The following LRSAM1 variants were observed in gnomAD, a reference collection of about 807,000 sequenced individuals.
The protein encoded by LRSAM1 is E3 ubiquitin-protein ligase LRSAM1.
Under a neutral mutation model 118.1 loss-of-function variants are expected in LRSAM1, and 96 were observed. The observed-to-expected ratio is 0.81, with a 90% CI of 0.69 to 0.96. The LOEUF (loss-of-function observed/expected upper bound fraction) is 0.96, where lower values mean the gene tolerates loss of function less well. Among genes scored for constraint, LRSAM1 ranks in the 40% least tolerant of loss-of-function variants. The pLI, the probability that LRSAM1 is intolerant of heterozygous loss-of-function variation, is 0.00. For synonymous variants in LRSAM1, 322 were observed against 364.2 expected (o/e 0.88, Z 1.32); for missense variants, 804 against 915.5 (o/e 0.88, Z 1.57).
rs149456922 is a variant in LRSAM1 at position 127,479,416 on chromosome 9, C to T, written c.814C>T (p.Arg272Trp). Reference protein sequence around the residue: ...QKMLEKLEFERRLELGQREHT... With the variant: ...QKMLEKLEFEWRLELGQREHT... ...GATGCTGGAGAAACTCGAGTTTGAA[C>T]GGCGCCTGGAACTGGGGCAGCGGGA... The change falls in exon 13 of 26, where the codon CGG (arginine) becomes TGG (tryptophan). Residue 272 changes from arginine (R) to tryptophan (W), a missense_variant. By Grantham distance (101) the Arg-to-Trp change is moderately radical (BLOSUM62 -3). Coordinates refer to ENST00000300417, the MANE Select transcript of LRSAM1 (RefSeq NM_001005373.4). The T allele has an allele frequency of 1.7e-4, 270 of 1,614,174 alleles. 2 individuals are homozygous for T. In the African/African-American group the frequency reaches 2.0e-3, roughly 12 times the overall value.
chr9:127,495,815 C>A, intron 22 of LRSAM1, 149 bp from the exon 23 acceptor site: 1 of 1,185,730 alleles, frequency 8.4e-7, no homozygotes, highest in Non-Finnish European at 1.2e-6. Flanking sequence ...ATCTATCTAT[C>A]TCTGTGTGCC....
intron 6 of LRSAM1, among the ~76,000 whole-genome samples, chr9:127,458,789 A>G (rs1406595051): frequency 6.6e-6 from 1 of 152,214 alleles, no homozygotes; most frequent in East Asian, 1.9e-4. Flanking sequence ...TTCAGTTAAC[A>G]GTAAAAATAA....
At chr9:127,490,402 G>A (rs1302211630) in intron 19 of LRSAM1, among the ~76,000 whole-genome samples, 2 of 152,048 alleles carry the variant, frequency 1.3e-5, no homozygotes, top group African/African-American at 4.8e-5. Flanking sequence ...GGGTCACAGG[G>A]TCATGGGCAC....
At chr9:127,493,419 C>T (rs1278961651) in intron 21 of LRSAM1, among the ~76,000 whole-genome samples, 3 of 152,170 alleles carry the variant, frequency 2.0e-5, no homozygotes, top group African/African-American at 4.8e-5. Flanking sequence ...TATAGCTGTT[C>T]GTGTATGCGC....
rs887154642 is a variant in LRSAM1, at chr9:127,479,707, G to A, written c.904-132G>A. ...AGATGGACACTGTAGCCTACTGGGA[G>A]GAGCTGGCCGGAGGTCACACAAAAA... On this transcript the variant is annotated intron_variant, in intron 13 of 25. Transcript: ENST00000300417. The A allele has an allele frequency of 5.1e-6, 7 of 1,366,226 alleles. 1 individual carries two copies. The highest frequency in any genetic ancestry group is 5.2e-4 in the Middle Eastern group (2 of 3,858). 84.6% of individuals were successfully genotyped at this position (1,366,226 alleles called of 1,614,324 possible). A position where few individuals can be genotyped will look rare whatever the true frequency, so the allele number is the denominator to read the frequency against.
chr9:127,484,379 T>A (rs949649838), intron 16 of LRSAM1, among the ~76,000 whole-genome samples: 1 of 152,026 alleles, frequency 6.6e-6, no homozygotes, highest in Non-Finnish European at 1.5e-5. Context: ...CACATTTTCT[T>A]TTTTTCTTTT....
intron 9 of LRSAM1, among the ~76,000 whole-genome samples, chr9:127,467,184 GGGA>G (rs1461626114): frequency 6.6e-6 from 1 of 152,098 alleles, no homozygotes; most frequent in Non-Finnish European, 1.5e-5. Flanking sequence ...TAGGGGAGGG[GGGA>G]GTTTAGCTGA....
chr9:127,482,846 T>C, intron 15 of LRSAM1, 104 bp from the exon 16 acceptor site: 4 of 1,060,330 alleles, frequency 3.8e-6, no homozygotes, highest in South Asian at 1.4e-5. Context: ...TAGGTGTAGG[T>C]TGCCAAATCA....
intron 10 of LRSAM1, among the ~76,000 whole-genome samples, chr9:127,473,462 A>G (rs893668966): frequency 2.0e-5 from 3 of 152,244 alleles, no homozygotes; most frequent in Non-Finnish European, 4.4e-5. Flanking sequence ...ATCTTGCCCA[A>G]GGTCTCACAT....
rs570756845 is a variant in LRSAM1, at chr9:127,495,208, C to A, written c.1600-112C>A. On this transcript the variant is annotated intron_variant, in intron 21 of 25. Coordinates refer to ENST00000300417, the MANE Select transcript of LRSAM1 (RefSeq NM_001005373.4). ...CCTCAGGTGATCTGCCCACCTTGGC[C>A]CCCCAAAGTGCTGGGATTACAGGCA... The A allele has an allele frequency of 2.0e-4, 187 of 927,890 alleles. No individual in the cohort carries two copies. The African/African-American group carries it at 2.9e-3, about 14-fold the overall frequency. 57.5% of individuals were successfully genotyped at this position (927,890 alleles called of 1,614,324 possible). A position where few individuals can be genotyped will look rare whatever the true frequency, so the allele number is the denominator to read the frequency against.
intron 18 of LRSAM1, among the ~76,000 whole-genome samples, chr9:127,488,515 G>A (rs905023506): frequency 1.3e-5 from 2 of 151,998 alleles, no homozygotes; most frequent in East Asian, 3.9e-4. Context: ...ACCCACCTCG[G>A]CCTCCCAAAG....
At position 127,467,849 on chromosome 9, in the gene LRSAM1, C is replaced by T; in HGVS notation, c.619+19C>T. ...TGCAAAGGTAAAGCCAGGCCGCTGC[C>T]TCCTCCCCTCATTGAGGAACTATGA... On this transcript the variant is annotated intron_variant, in intron 10 of 25. Transcript: ENST00000300417. The T allele has an allele frequency of 3.8e-6, 6 of 1,559,660 alleles. No individual in the cohort carries two copies. The highest frequency in any genetic ancestry group is 5.2e-6 in the Non-Finnish European group (6 of 1,154,760).
chr9:127,484,876 T>G lies in LRSAM1; in HGVS notation c.1160-860T>G, dbSNP rs537792858. 3.2e-4 allele frequency among the ~76,000 whole-genome samples: 48 copies of G among 151,008 alleles called. 1 individual carries two copies. The highest frequency in any genetic ancestry group is 1.1e-3 in the African/African-American group (47 of 41,186). The stretch of plus-strand genomic sequence containing the variant: ...CAGGCTGGAGTGCAGTGGCATGATC[T>G]CAGCTCACGCAACCTCTGCCTCCCG... On this transcript the variant is annotated intron_variant, in intron 16 of 25. Coordinates refer to ENST00000300417, the MANE Select transcript of LRSAM1 (RefSeq NM_001005373.4).
chr9:127,468,850 G>T (rs951741031), intron 10 of LRSAM1, among the ~76,000 whole-genome samples: 1 of 149,252 alleles, frequency 6.7e-6, no homozygotes, highest in African/African-American at 2.5e-5. Context: ...TCAGCCAGGC[G>T]TGGTGGCACG....
intron 9 of LRSAM1, among the ~76,000 whole-genome samples, chr9:127,466,514 T>TATTTA (rs1834953668): frequency 1.3e-5 from 1 of 76,990 alleles, no homozygotes; most frequent in African/African-American, 5.7e-5. Context: ...ATTTTTTTTT[T>TATTTA]TTTTTTTTTT....
chr9:127,462,648 A>G lies in LRSAM1; in HGVS notation c.528+275A>G, dbSNP rs2254437. Among the ~76,000 whole-genome samples the G allele has an allele frequency of 0.61, 92,146 of 151,820 alleles. 28,319 individuals carry two copies. Among genetic ancestry groups the G allele is most frequent in the African/African-American group, 0.64 (26,532 of 41,374 alleles). ...CTGACACTTTAAGAAAGTTGTCGGT[A>G]GGGGAACAACACAGTGAGGCCTGTC... is the stretch of plus-strand genomic sequence containing the variant. On this transcript the variant is annotated intron_variant, in intron 9 of 25. Coordinates refer to ENST00000300417, the MANE Select transcript of LRSAM1 (RefSeq NM_001005373.4).
At chr9:127,472,120 C>A (rs942722838) in intron 10 of LRSAM1, among the ~76,000 whole-genome samples, 1 of 151,666 alleles carries the variant, frequency 6.6e-6, no homozygotes, top group Non-Finnish European at 1.5e-5. Flanking sequence ...CACCACCACG[C>A]CTGGCTAATT....
Position 127,489,503 on chromosome 9 carries a change from G to A in LRSAM1, c.1407G>A (p.Arg469=), listed in dbSNP as rs776247817. 1 of 1,608,748 alleles carries A rather than the reference G, an allele frequency of 6.2e-7. No homozygotes were observed. Among genetic ancestry groups the A allele is most frequent in the Non-Finnish European group, 8.5e-7 (1 of 1,178,278 alleles). Residue 469 remains arginine, a synonymous_variant, in exon 19 of 26, where the codon CGG becomes CGA. Transcript: ENST00000300417. ...ALQVKKDLMH[R]QIRSQIKLIE... is the part of the protein sequence containing the mutation. ...AGGTGAAGAAAGACCTGATGCATCGGCAGATCAGGAGCCAGGTGAGCGCTG... is the reference window on the plus strand; with the variant it reads ...AGGTGAAGAAAGACCTGATGCATCGACAGATCAGGAGCCAGGTGAGCGCTG...
intron 11 of LRSAM1, among the ~76,000 whole-genome samples, chr9:127,478,052 CAA>C (rs368060643): frequency 1.4e-4 from 10 of 72,230 alleles, no homozygotes; most frequent in Non-Finnish European, 8.9e-5. Flanking sequence ...AACTCCGTCT[CAA>C]AAAAAAAAAA....
Sources: allele counts gnomAD v4.1 joint callset (sites outside exome capture counted in the v4.1 genomes callset), GRCh38; gene constraint gnomAD v4.1.1; transcripts MANE v1.5; gene names NCBI Gene and HGNC (gene_info 2026-07-23, HGNC 2026-07-21).